Variants in PCDHA13 observed in about 807,000 individuals in gnomAD.
The protein encoded by PCDHA13 is protocadherin alpha-13.
In PCDHA13, 54 loss-of-function variants were observed where a neutral mutation model predicts 64.8. The observed-to-expected ratio is 0.83, with a 90% CI of 0.67 to 1.04. The LOEUF (loss-of-function observed/expected upper bound fraction) is 1.04, where lower values mean the gene tolerates loss of function less well. PCDHA13 is among the 50% of genes least tolerant of loss of function. The pLI, the probability that PCDHA13 is intolerant of heterozygous loss-of-function variation, is 0.00. For synonymous variants in PCDHA13, 587 were observed against 564.4 expected, an observed-to-expected ratio of 1.04 and a Z score of -0.57; for missense variants, 1,248 against 1,254.3, an observed-to-expected ratio of 0.99 and a Z score of 0.08.
intron 3 of PCDHA13, among the ~76,000 whole-genome samples, chr5:140,998,707 A>G (rs1230153468): frequency 6.6e-6 from 1 of 151,942 alleles, no homozygotes; most frequent in African/African-American, 2.4e-5. Flanking sequence ...TGGGATTACA[A>G]GCTTGCACCA....
intron 1 of PCDHA13, among the ~76,000 whole-genome samples, chr5:140,913,256 T>C (rs1162098506): frequency 6.6e-6 from 1 of 152,208 alleles, no homozygotes; most frequent in East Asian, 1.9e-4. Context: ...ACAACTTTGA[T>C]CTAATTACTT....
At chr5:140,968,653 C>T (rs1301566656) in intron 1 of PCDHA13, 1 of 1,614,150 alleles carries the variant, frequency 6.2e-7, no homozygotes, top group Non-Finnish European at 8.5e-7. Flanking sequence ...AGACTTCTGA[C>T]CTGGACCTCT....
chr5:140,928,821 C>T, intron 1 of PCDHA13: 2 of 1,614,142 alleles, frequency 1.2e-6, no homozygotes, highest in Non-Finnish European at 1.7e-6. Context: ...ACCATGGAGA[C>T]CCACCACTTT....
intron 1 of PCDHA13, among the ~76,000 whole-genome samples, chr5:140,893,868 AGATC>A (rs1369386852): frequency 1.3e-5 from 2 of 152,168 alleles, no homozygotes; most frequent in Non-Finnish European, 2.9e-5. Context: ...GAAACAACCC[AGATC>A]CAAAGTGGCC....
intron 1 of PCDHA13, among the ~76,000 whole-genome samples, chr5:140,900,662 G>C (rs2068213556): frequency 6.6e-6 from 1 of 152,190 alleles, no homozygotes; most frequent in South Asian, 2.1e-4. Flanking sequence ...ATGAACAATG[G>C]GAGTGCAGTT....
chr5:140,915,626 GTC>G (rs57920489), intron 1 of PCDHA13, among the ~76,000 whole-genome samples: 12,146 of 145,794 alleles, frequency 0.083, 491 homozygotes, highest in Middle Eastern at 0.12. Context: ...GTCTCTTTCT[GTC>G]TCTCTCTCTC....
intron 1 of PCDHA13, among the ~76,000 whole-genome samples, chr5:140,890,783 A>G (rs150043569): frequency 1.3e-5 from 2 of 152,302 alleles, no homozygotes; most frequent in African/African-American, 4.8e-5. Context: ...CCCATAAGAT[A>G]TTAGTATTAT....
At chr5:140,962,817 G>C (rs555403742) in intron 1 of PCDHA13, among the ~76,000 whole-genome samples, 1 of 152,202 alleles carries the variant, frequency 6.6e-6, no homozygotes, top group Non-Finnish European at 1.5e-5. Flanking sequence ...CATCAGAGAT[G>C]ACCATTTGTC....
intron 1 of PCDHA13, among the ~76,000 whole-genome samples, chr5:140,935,712 T>C (rs1480290454): frequency 1.3e-5 from 2 of 152,138 alleles, no homozygotes; most frequent in African/African-American, 4.8e-5. Context: ...TAAAACAAAA[T>C]ATATTTAGAG....
intron 1 of PCDHA13, chr5:140,929,493 A>G: frequency 9.4e-7 from 1 of 1,059,368 alleles, no homozygotes; most frequent in Non-Finnish European, 1.3e-6. Flanking sequence ...GTATTAGAAG[A>G]TTGCCCTAGG....
At chr5:141,005,352 GGAATGTCATA>G (rs1261780276) in intron 3 of PCDHA13, among the ~76,000 whole-genome samples, 2 of 152,178 alleles carry the variant, frequency 1.3e-5, no homozygotes, top group Non-Finnish European at 2.9e-5. Flanking sequence ...TGCTTGGCTA[GGAATGTCATA>G]GAATGCCTTT....
intron 3 of PCDHA13, among the ~76,000 whole-genome samples, chr5:141,007,768 A>C (rs1457934171): frequency 2.0e-5 from 3 of 152,212 alleles, no homozygotes; most frequent in Non-Finnish European, 2.9e-5. Context: ...ATTGGCCTGG[A>C]AATGGTACTG....
At chr5:141,004,168 C>T (rs2098156227) in intron 3 of PCDHA13, among the ~76,000 whole-genome samples, 1 of 152,226 alleles carries the variant, frequency 6.6e-6, no homozygotes, top group Admixed American at 6.5e-5. Context: ...GCAAAGCCAG[C>T]CAAGTGTCTT....
At chr5:141,006,634 A>G (rs1324728437) in intron 3 of PCDHA13, among the ~76,000 whole-genome samples, 4 of 152,220 alleles carry the variant, frequency 2.6e-5, no homozygotes, top group Non-Finnish European at 5.9e-5. Flanking sequence ...GCTGCAATTC[A>G]TATAAGAGAT....
In PCDHA13 at chr5:140,884,002, C is replaced by G. The variant is rs1189374158; in HGVS notation, c.1734C>G (p.Ser578Arg). 26 of 1,612,788 alleles carry G rather than the reference C, an allele frequency of 1.6e-5. No individual in the cohort carries two copies. Among genetic ancestry groups the G allele is most frequent in the Non-Finnish European group, 2.2e-5 (26 of 1,179,570 alleles). ...PGAGSAGGTVSELMPRSVGAG... is the reference protein window; with the variant it reads ...PGAGSAGGTVRELMPRSVGAG... Reference sequence around the variant, plus strand: ...CTGGCAGCGCGGGAGGCACAGTGAGCGAGCTGATGCCGCGGTCGGTGGGTG... The same window carrying G: ...CTGGCAGCGCGGGAGGCACAGTGAGGGAGCTGATGCCGCGGTCGGTGGGTG... The change falls in exon 1 of 4, where the codon AGC becomes AGG. Residue 578 changes from serine to arginine, a missense_variant. By Grantham distance (110) the Ser-to-Arg change is moderately radical. Coordinates refer to ENST00000289272, the MANE Select transcript of PCDHA13 (RefSeq NM_018904.3).
chr5:140,927,349 G>A (rs782650880), intron 1 of PCDHA13: 3 of 1,614,016 alleles, frequency 1.9e-6, no homozygotes, highest in Admixed American at 1.7e-5. Context: ...AGATGACGAC[G>A]AGGGAAGCAA....
At position 140,997,696 on chromosome 5, in the gene PCDHA13, GTA is replaced by G. The variant is rs1328869274; in HGVS notation, c.2543-11929_2543-11928del. On this transcript the variant is annotated intron_variant, in intron 3 of 3. Transcript: ENST00000289272. ...TGTGTGTGTGTGTGTGTGTGTGTGT[GTA>G]TGTTAACAAACACCTTTCTACGTCA... Among the ~76,000 whole-genome samples, 208 of 148,602 alleles carry G rather than the reference GTA, an allele frequency of 1.4e-3. 1 individual carries two copies. Among genetic ancestry groups the G allele is most frequent in the African/African-American group, 4.8e-3 (197 of 40,710 alleles).
At chr5:140,968,716 T>C (rs1554230993) in intron 1 of PCDHA13, 2 of 1,614,058 alleles carry the variant, frequency 1.2e-6, no homozygotes, top group Admixed American at 1.7e-5. Flanking sequence ...AGATGGGAGA[T>C]GAGAGTGGTA....
chr5:140,943,558 A>T (rs1328715238), intron 1 of PCDHA13, among the ~76,000 whole-genome samples: 1 of 152,194 alleles, frequency 6.6e-6, no homozygotes, highest in Non-Finnish European at 1.5e-5. Flanking sequence ...GTAGACAATA[A>T]TCATTTTAAT....
Sources: gnomAD v4.1 joint callset for allele counts (sites outside exome capture counted in the v4.1 genomes callset) on GRCh38, gnomAD v4.1.1 for gene constraint, MANE v1.5 for transcripts, NCBI Gene and HGNC (gene_info 2026-07-23, HGNC 2026-07-21) for gene names.